Variants in OSBPL11 observed in about 807,000 individuals in gnomAD.
OSBPL11 encodes oxysterol binding protein like 11.
In OSBPL11, 33 loss-of-function variants were observed where a neutral mutation model predicts 84.4. The observed-to-expected ratio is 0.39, with a 90% CI of 0.30 to 0.52. The LOEUF (loss-of-function observed/expected upper bound fraction) is 0.52. OSBPL11 is among the 20% of genes least tolerant of loss of function. The pLI is 0.72. For synonymous variants in OSBPL11, 276 were observed against 310.2 expected (o/e 0.89, Z 1.16); for missense variants, 736 against 901.1 (o/e 0.82, Z 2.35).
intron 1 of OSBPL11, among the ~76,000 whole-genome samples, chr3:125,583,288 A>G (rs1315408603): frequency 1.3e-5 from 2 of 152,074 alleles, no homozygotes; most frequent in African/African-American, 2.4e-5. Flanking sequence ...TATAAGTATT[A>G]TAAGTGGGAT....
At chr3:125,563,121 A>T (rs1029320490) in intron 7 of OSBPL11, among the ~76,000 whole-genome samples, 2 of 152,226 alleles carry the variant, frequency 1.3e-5, no homozygotes, top group African/African-American at 4.8e-5. Flanking sequence ...AACAGATGTG[A>T]ACACAAAAGG....
At chr3:125,550,370 GTCAC>G (rs1359046211) in intron 9 of OSBPL11, among the ~76,000 whole-genome samples, 4 of 108,576 alleles carry the variant, frequency 3.7e-5, no homozygotes, top group Non-Finnish European at 7.0e-5. Context: ...GCTAGACCGT[GTCAC>G]ACACACACAC....
At chr3:125,543,175 A>G (rs1028579215) in intron 10 of OSBPL11, among the ~76,000 whole-genome samples, 2 of 124,902 alleles carry the variant, frequency 1.6e-5, no homozygotes, top group Non-Finnish European at 3.1e-5. Context: ...TCTGTTGCCC[A>G]GGCTGGAGTG....
intron 5 of OSBPL11, among the ~76,000 whole-genome samples, chr3:125,574,019 GGA>G (rs1695005354): frequency 1.3e-5 from 2 of 152,172 alleles, no homozygotes; most frequent in South Asian, 4.1e-4. Flanking sequence ...TCCTGGAACT[GGA>G]TAATTCTAGA....
rs1344833597 is a variant in OSBPL11, at chr3:125,547,583, C to T, written c.1664G>A (p.Ser555Asn). 6.3e-7 allele frequency: 1 copy of T among 1,595,806 alleles called. No individual in the cohort carries two copies. The highest frequency in any genetic ancestry group is 8.5e-7 in the Non-Finnish European group (1 of 1,171,450). ...GVTMVGEGIL[S>N]LLEHGEEYTF... ...GTACTCTTCTCCATGCTCCAACAGACTAAGGATACCTGAATGTGAAAACAT... is the reference window on the plus strand; with the variant it reads ...GTACTCTTCTCCATGCTCCAACAGATTAAGGATACCTGAATGTGAAAACAT... The change falls in exon 10 of 13, where the codon AGT becomes AAT. Residue 555 changes from serine (S) to asparagine (N), a missense_variant. Coordinates refer to ENST00000296220, the MANE Select transcript of OSBPL11 (RefSeq NM_022776.5).
rs1430288068 is a variant in OSBPL11 at position 125,552,798 on chromosome 3, G to T, written c.1156-119C>A. The T allele has an allele frequency of 3.3e-6, 4 of 1,206,112 alleles. No individual in the cohort carries two copies. The African/African-American group carries it at 6.2e-5, about 19-fold the overall frequency. 74.7% of individuals were successfully genotyped at this position (1,206,112 alleles called of 1,614,324 possible). A position where few individuals can be genotyped will look rare whatever the true frequency, so the allele number is the denominator to read the frequency against. On this transcript the variant is annotated intron_variant, in intron 8 of 12. Transcript: ENST00000296220. ...TGGGTATTAAAAACAAAGTCACAAA[G>T]AAAAAGTATTCAGTCACATTAAAAA...
intron 8 of OSBPL11, 96 bp from the exon 9 acceptor site, chr3:125,552,775 G>A: frequency 7.3e-7 from 1 of 1,367,782 alleles, no homozygotes; most frequent in South Asian, 1.4e-5. Flanking sequence ...ATTCTAGATG[G>A]GTATTAAAAA....
At chr3:125,540,742 C>A (rs1018347567) in intron 10 of OSBPL11, among the ~76,000 whole-genome samples, 1 of 152,128 alleles carries the variant, frequency 6.6e-6, no homozygotes, top group Non-Finnish European at 1.5e-5. Context: ...TAAGGCTTTC[C>A]AATGGACAAT....
chr3:125,589,354 A>C (rs574746451), intron 1 of OSBPL11, among the ~76,000 whole-genome samples: 2 of 151,704 alleles, frequency 1.3e-5, no homozygotes, highest in South Asian at 2.1e-4. Context: ...AAAAAAAAAA[A>C]AAAAAACAAA....
intron 10 of OSBPL11, among the ~76,000 whole-genome samples, chr3:125,543,035 A>C (rs1485073614): frequency 6.6e-6 from 1 of 152,040 alleles, no homozygotes; most frequent in Non-Finnish European, 1.5e-5. Context: ...TGGTTATTGA[A>C]TCAGATAGAC....
chr3:125,581,487 G>A (rs1169826340), intron 2 of OSBPL11, among the ~76,000 whole-genome samples: 1 of 151,612 alleles, frequency 6.6e-6, no homozygotes, highest in Non-Finnish European at 1.5e-5. Context: ...CCTGAGCTTA[G>A]GAGTTTGAGA....
chr3:125,561,758 G>C (rs1277097149), intron 7 of OSBPL11, among the ~76,000 whole-genome samples: 1 of 152,196 alleles, frequency 6.6e-6, no homozygotes, highest in Non-Finnish European at 1.5e-5. Flanking sequence ...ATTCCACAGA[G>C]TACAACATGA....
At chr3:125,546,160 T>C (rs572737828) in intron 10 of OSBPL11, among the ~76,000 whole-genome samples, 1 of 145,490 alleles carries the variant, frequency 6.9e-6, no homozygotes, top group South Asian at 2.2e-4. Context: ...TCTATTTCGT[T>C]TTTTTTGTGT....
In OSBPL11 at chr3:125,583,495, C is replaced by T. The variant is rs186281637; in HGVS notation, c.165-517G>A. On this transcript the variant is annotated intron_variant, in intron 1 of 12. Coordinates refer to ENST00000296220, the MANE Select transcript of OSBPL11 (RefSeq NM_022776.5). ...ACTTGGGAGGCTGAGGCAGGAGAAT[C>T]ACTTGAACCCAGGAGGTGGAGGCTG... Among the ~76,000 whole-genome samples the T allele has an allele frequency of 1.5e-3, 213 of 143,878 alleles. 3 individuals are homozygous for T. The highest frequency in any genetic ancestry group is 5.1e-3 in the African/African-American group (198 of 38,494). The allele number at this position is 143,878 out of a possible 152,430, so 94.4% of individuals were successfully genotyped here. A position where few individuals can be genotyped will look rare whatever the true frequency, so the allele number is the denominator to read the frequency against.
At chr3:125,554,241 G>A (rs925526050) in intron 8 of OSBPL11, among the ~76,000 whole-genome samples, 3 of 152,094 alleles carry the variant, frequency 2.0e-5, no homozygotes, top group Non-Finnish European at 4.4e-5. Context: ...CTAAGAGAGT[G>A]GATACCAAGT....
intron 8 of OSBPL11, among the ~76,000 whole-genome samples, chr3:125,553,321 T>C (rs1935941532): frequency 1.3e-5 from 2 of 152,144 alleles, no homozygotes; most frequent in East Asian, 1.9e-4. Flanking sequence ...TGTAGATGAA[T>C]GACCAAGACA....
chr3:125,550,723 T>C (rs1935893243), intron 9 of OSBPL11, among the ~76,000 whole-genome samples: 2 of 152,214 alleles, frequency 1.3e-5, no homozygotes, highest in African/African-American at 4.8e-5. Flanking sequence ...TCTGTGGAGA[T>C]TTTTGTTTTT....
chr3:125,551,841 G>C (rs1935913780), intron 9 of OSBPL11, among the ~76,000 whole-genome samples: 1 of 152,018 alleles, frequency 6.6e-6, no homozygotes, highest in Admixed American at 6.6e-5. Flanking sequence ...AATTTAAAAA[G>C]AGAATTTACA....
chr3:125,560,269 A>T (rs535810280), intron 8 of OSBPL11, 110 bp downstream of exon 8: 2 of 1,069,268 alleles, frequency 1.9e-6, no homozygotes, highest in East Asian at 6.4e-5. Flanking sequence ...CTCAAAAAAA[A>T]TTAAAATTAA....
Sources: gnomAD v4.1 joint callset for allele counts (sites outside exome capture counted in the v4.1 genomes callset) on GRCh38, gnomAD v4.1.1 for gene constraint, MANE v1.5 for transcripts, NCBI Gene and HGNC (gene_info 2026-07-23, HGNC 2026-07-21) for gene names.